The following PDILT variants were observed in gnomAD, a reference collection of about 807,000 sequenced individuals.
PDILT encodes the protein protein disulfide isomerase like, testis expressed.
Under a neutral mutation model 53.7 loss-of-function variants are expected in PDILT, and 43 were observed. The ratio of observed to expected loss-of-function variants is 0.80; its 90% CI spans 0.63 to 1.03. The LOEUF is 1.03. Among genes scored for constraint, PDILT ranks in the 50% least tolerant of loss-of-function variants. The pLI is 0.00. For synonymous variants in PDILT, 282 were observed against 274.2 expected, an observed-to-expected ratio of 1.03 and a Z score of -0.28; for missense variants, 727 against 712.3, an observed-to-expected ratio of 1.02 and a Z score of -0.24.
intron 4 of PDILT, 32 bp downstream of exon 4, chr16:20,376,036 G>C: frequency 6.2e-7 from 1 of 1,612,964 alleles, no homozygotes; most frequent in Non-Finnish European, 8.5e-7. Flanking sequence ...CTCATCAGTT[G>C]AAAGCCTCCT....
At chr16:20,397,776 G>A (rs1225387571) in intron 2 of PDILT, among the ~76,000 whole-genome samples, 2 of 152,194 alleles carry the variant, frequency 1.3e-5, no homozygotes, top group African/African-American at 2.4e-5. Context: ...AAGGCACCCT[G>A]CCTCCCCTGC....
chr16:20,392,061 G>T (rs977349843), intron 2 of PDILT, among the ~76,000 whole-genome samples: 1 of 152,058 alleles, frequency 6.6e-6, no homozygotes, highest in Non-Finnish European at 1.5e-5. Context: ...CATCTCAGAG[G>T]CTGCTGCAGT....
intron 4 of PDILT, 27 bp from the exon 5 acceptor site, chr16:20,374,986 G>GC (rs1335515376): frequency 4.4e-6 from 7 of 1,581,776 alleles, no homozygotes; most frequent in African/African-American, 1.4e-5. Context: ...GTTTGGAAAG[G>GC]CTTTGGTAGA....
At chr16:20,398,760 T>C (rs1204739997) in intron 2 of PDILT, among the ~76,000 whole-genome samples, 1 of 152,146 alleles carries the variant, frequency 6.6e-6, no homozygotes, top group East Asian at 1.9e-4. Context: ...TAATCCAGTG[T>C]GTCATTAGGT....
chr16:20,402,576 G>A (rs6497477), intron 1 of PDILT, among the ~76,000 whole-genome samples: 150,834 of 152,352 alleles, frequency 0.99, 74,716 homozygotes, highest in Middle Eastern at 1. Context: ...TGGGATGACA[G>A]GCATGAGCCA....
intron 3 of PDILT, among the ~76,000 whole-genome samples, chr16:20,379,432 C>G (rs1966430080): frequency 6.6e-6 from 1 of 152,188 alleles, no homozygotes; most frequent in South Asian, 2.1e-4. Context: ...TCCCAAAGTG[C>G]TGGGATTACA....
In PDILT at chr16:20,372,833, T is replaced by C; in HGVS notation, c.887A>G (p.Tyr296Cys). The part of the protein sequence containing the change: ...SESYGIIIQH[Y>C]KLASKEFQNK... Reference sequence around the variant, plus strand: ...TTGGAATTCCTTTGATGCCAGCTTATAATGCTGAATTATGATACCATATGA... The same window carrying C: ...TTGGAATTCCTTTGATGCCAGCTTACAATGCTGAATTATGATACCATATGA... Residue 296 changes from tyrosine to cysteine, a missense_variant, in exon 7 of 12, where the codon TAT becomes TGT. Coordinates refer to ENST00000302451, the MANE Select transcript of PDILT (RefSeq NM_174924.2). The C allele has an allele frequency of 6.2e-6, 10 of 1,614,078 alleles. No individual in the cohort carries two copies. The highest frequency in any genetic ancestry group is 8.5e-6 in the Non-Finnish European group (10 of 1,179,948).
rs539775683 is a variant in PDILT at position 20,378,675 on chromosome 16, T to C, written c.410-2474A>G. On this transcript the variant is annotated intron_variant, in intron 3 of 11. Coordinates refer to ENST00000302451, the MANE Select transcript of PDILT (RefSeq NM_174924.2). ...CCTCCCTGTGTCCATGTGTTCTCAT[T>C]GTTCAACTCCCACTTATGAGTGAGT... 5.9e-5 allele frequency among the ~76,000 whole-genome samples: 9 copies of C among 152,318 alleles called. No homozygotes were observed. In the East Asian group the frequency reaches 1.7e-3, roughly 29 times the overall value.
chr16:20,396,914 A>T (rs773001664), intron 2 of PDILT, among the ~76,000 whole-genome samples: 1 of 152,096 alleles, frequency 6.6e-6, no homozygotes, highest in Non-Finnish European at 1.5e-5. Context: ...GCCCCCTGTG[A>T]CAGGGGACTG....
rs563176231 is a variant in PDILT, at chr16:20,363,500, T to C, written c.1238-918A>G. Among the ~76,000 whole-genome samples, 26 of 146,096 alleles carry C rather than the reference T, an allele frequency of 1.8e-4. No individual in the cohort carries two copies. In the South Asian group the frequency reaches 3.7e-3, roughly 21 times the overall value. On this transcript the variant is annotated intron_variant, in intron 9 of 11. Coordinates refer to ENST00000302451, the MANE Select transcript of PDILT (RefSeq NM_174924.2). ...ATGTGTGTGTGTGTGTGTGTGTGTG[T>C]GCATATGTGTTACAGCACACGGGGG... is the stretch of plus-strand genomic sequence containing the variant.
chr16:20,397,281 G>A (rs574030958), intron 2 of PDILT, among the ~76,000 whole-genome samples: 1 of 152,220 alleles, frequency 6.6e-6, no homozygotes, highest in East Asian at 1.9e-4. Context: ...GATTACAGGT[G>A]TGTGCTACCA....
At chr16:20,393,453 A>G (rs1966628936) in intron 2 of PDILT, among the ~76,000 whole-genome samples, 1 of 152,156 alleles carries the variant, frequency 6.6e-6, no homozygotes, top group Admixed American at 6.6e-5. Context: ...TCAATATTGG[A>G]TGGAGGCAAA....
At chr16:20,402,516 C>A (rs144902146) in intron 1 of PDILT, among the ~76,000 whole-genome samples, 19 of 152,310 alleles carry the variant, frequency 1.2e-4, no homozygotes, top group African/African-American at 4.1e-4. Context: ...CCAGGCTGGT[C>A]TGGAACTCCT....
chr16:20,397,052 G>A (rs753585202), intron 2 of PDILT, among the ~76,000 whole-genome samples: 54 of 152,166 alleles, frequency 3.5e-4, no homozygotes, highest in Non-Finnish European at 6.5e-4. Context: ...TTCTTATTAC[G>A]CATCAGTCAC....
chr16:20,387,139 T>C (rs113181984), intron 2 of PDILT, among the ~76,000 whole-genome samples: 3 of 152,254 alleles, frequency 2.0e-5, no homozygotes, highest in South Asian at 2.1e-4. Context: ...GTCCTAGGGA[T>C]TGGGGATATA....
chr16:20,384,265 A>C (rs1200726515), intron 3 of PDILT, among the ~76,000 whole-genome samples: 1 of 152,218 alleles, frequency 6.6e-6, no homozygotes. Context: ...GCTGTAGTAG[A>C]AGCAGCCACA....
chr16:20,379,522 C>T (rs1366951023), intron 3 of PDILT, among the ~76,000 whole-genome samples: 1 of 151,974 alleles, frequency 6.6e-6, no homozygotes, highest in Non-Finnish European at 1.5e-5. Context: ...GCTATGTTGC[C>T]CAGGCCAGTC....
chr16:20,370,636 G>C (rs1226146407), intron 7 of PDILT, among the ~76,000 whole-genome samples: 1 of 152,206 alleles, frequency 6.6e-6, no homozygotes, highest in African/African-American at 2.4e-5. Context: ...CTTGAATACA[G>C]GCTGGGTAAA....
At chr16:20,365,275 G>T in intron 9 of PDILT, 145 bp downstream of exon 9, 1 of 864,420 alleles carries the variant, frequency 1.2e-6, no homozygotes, top group Non-Finnish European at 1.8e-6. Flanking sequence ...AGCATCTTGA[G>T]TCAATCCCTT....
Sources: gnomAD v4.1 joint callset for allele counts (sites outside exome capture counted in the v4.1 genomes callset) on GRCh38, gnomAD v4.1.1 for gene constraint, MANE v1.5 for transcripts, NCBI Gene and HGNC (gene_info 2026-07-23, HGNC 2026-07-21) for gene names.